SNX24: variants seen among roughly 807,000 people sequenced by gnomAD.
SNX24 encodes sorting nexin-24.
Under a neutral mutation model 28.7 loss-of-function variants are expected in SNX24, and 22 were observed. That is an observed-to-expected ratio of 0.77 (90% confidence interval 0.55 to 1.10). The LOEUF (loss-of-function observed/expected upper bound fraction) is 1.10, where lower values mean the gene tolerates loss of function less well. SNX24 is among the 50% of genes least tolerant of loss of function. The pLI is 0.00. For synonymous variants in SNX24, 69 were observed against 71.5 expected, an observed-to-expected ratio of 0.96 and a Z score of 0.18; for missense variants, 221 against 201.1, an observed-to-expected ratio of 1.10 and a Z score of -0.60.
intron 1 of SNX24, among the ~76,000 whole-genome samples, chr5:122,859,694 G>A (rs943661248): frequency 2.0e-5 from 3 of 152,136 alleles, no homozygotes; most frequent in African/African-American, 7.2e-5. Context: ...AGTGACCATG[G>A]CCCGTGACAC....
At chr5:122,938,724 A>AT (rs1759295485) in intron 2 of SNX24, among the ~76,000 whole-genome samples, 1 of 10,620 alleles carries the variant, frequency 9.4e-5, no homozygotes, top group African/African-American at 1.6e-3. Flanking sequence ...GCGGATCACG[A>AT]GGTCAGGAGA....
At chr5:122,900,502 C>T (rs1258804626) in intron 1 of SNX24, among the ~76,000 whole-genome samples, 1 of 152,134 alleles carries the variant, frequency 6.6e-6, no homozygotes, top group African/African-American at 2.4e-5. Flanking sequence ...TGGAATGGCT[C>T]ACACCTGTCA....
intron 1 of SNX24, among the ~76,000 whole-genome samples, chr5:122,884,396 G>A (rs1440601400): frequency 1.3e-5 from 2 of 151,304 alleles, no homozygotes; most frequent in African/African-American, 2.4e-5. Flanking sequence ...GGTGGAATGC[G>A]CCACCACCTC....
rs1303150371 is a variant in SNX24, at chr5:122,941,619, A to G, written c.145-4436A>G. On this transcript the variant is annotated intron_variant, in intron 2 of 6. Transcript: ENST00000261369. ...GATAAAACTGTTATCCCTAAATTTTATCTAATTAGAAGGTACTTTTTTAAA... is the reference window on the plus strand; with the variant it reads ...GATAAAACTGTTATCCCTAAATTTTGTCTAATTAGAAGGTACTTTTTTAAA... Among the ~76,000 whole-genome samples the G allele has an allele frequency of 3.3e-5, 5 of 152,324 alleles. No homozygotes were observed. In the South Asian group the frequency reaches 1.0e-3, roughly 32 times the overall value.
Position 122,873,754 on chromosome 5 carries a change from G to T in SNX24, c.60+28061G>T, listed in dbSNP as rs535457688. ...CCAGCACTCTCTTTCATCTTTCAAA[G>T]GGAATCTTTTTTTTTTTTTTTTTTT... On this transcript the variant is annotated intron_variant, in intron 1 of 6. Coordinates refer to ENST00000261369, the MANE Select transcript of SNX24 (RefSeq NM_014035.4). Among the ~76,000 whole-genome samples, 316 of 151,432 alleles carry T rather than the reference G, an allele frequency of 2.1e-3. 1 individual carries two copies. The highest frequency in any genetic ancestry group is 7.5e-3 in the African/African-American group (308 of 41,290).
intron 1 of SNX24, among the ~76,000 whole-genome samples, chr5:122,847,016 T>C (rs1754669711): frequency 6.6e-6 from 1 of 151,976 alleles, no homozygotes; most frequent in Non-Finnish European, 1.5e-5. Context: ...ACCTTGCTTG[T>C]TGTTGCTTCT....
chr5:123,013,360 C>G (rs1469075624), downstream of SNX24, among the ~76,000 whole-genome samples: 1 of 152,196 alleles, frequency 6.6e-6, no homozygotes. Context: ...CTGTCTTCTT[C>G]CAGTCTCTCT....
At chr5:122,864,125 G>A (rs1755610953) in intron 1 of SNX24, among the ~76,000 whole-genome samples, 1 of 150,348 alleles carries the variant, frequency 6.7e-6, no homozygotes. Context: ...ATTTTAGTGT[G>A]GAGAATAAAC....
intron 1 of SNX24, among the ~76,000 whole-genome samples, chr5:122,877,957 G>A (rs1190632440): frequency 1.3e-5 from 2 of 152,074 alleles, no homozygotes; most frequent in Non-Finnish European, 2.9e-5. Context: ...TGTCCACTCT[G>A]TTCAGATGAT....
chr5:122,911,502 T>G (rs1451455883), intron 1 of SNX24, among the ~76,000 whole-genome samples: 5 of 151,382 alleles, frequency 3.3e-5, no homozygotes, highest in Non-Finnish European at 7.4e-5. Context: ...TTTTGGCTTT[T>G]GTTGCCATTG....
chr5:122,908,838 G>A (rs755348950), intron 1 of SNX24, among the ~76,000 whole-genome samples: 169 of 152,310 alleles, frequency 1.1e-3, no homozygotes, highest in Non-Finnish European at 2.1e-3. Flanking sequence ...AAAGCAAGAG[G>A]TGGAACGGAA....
chr5:122,973,887 C>T (rs1761057861), intron 3 of SNX24, among the ~76,000 whole-genome samples: 2 of 152,182 alleles, frequency 1.3e-5, no homozygotes, highest in African/African-American at 4.8e-5. Flanking sequence ...CCTATGAGGG[C>T]CTGCCAAAGT....
chr5:123,019,478 G>T (rs569818542), intron 5 of SNX24, among the ~76,000 whole-genome samples: 19 of 152,204 alleles, frequency 1.2e-4, no homozygotes, highest in Non-Finnish European at 2.4e-4. Flanking sequence ...TGAGGTTGGT[G>T]AGTCCTGTTC....
rs375949797 is a variant in SNX24 at position 122,893,680 on chromosome 5, G to C, written c.61-43054G>C. ...AATAAACTCACTAAATAGAATTTAA[G>C]ATTTTTATGCAGCACATTTTGTCTT... On this transcript the variant is annotated intron_variant, in intron 1 of 6. Coordinates refer to ENST00000261369, the MANE Select transcript of SNX24 (RefSeq NM_014035.4). Among the ~76,000 whole-genome samples the C allele has an allele frequency of 4.6e-5, 7 of 152,226 alleles. No individual in the cohort carries two copies. In the East Asian group the frequency reaches 1.2e-3, roughly 25 times the overall value.
intron 3 of SNX24, among the ~76,000 whole-genome samples, chr5:122,978,429 A>G (rs1399510769): frequency 2.0e-5 from 3 of 152,170 alleles, no homozygotes; most frequent in Non-Finnish European, 4.4e-5. Flanking sequence ...ATTTTTTTCT[A>G]TCAAACTTCT....
chr5:122,940,042 T>C (rs1759372401), intron 2 of SNX24, among the ~76,000 whole-genome samples: 1 of 151,858 alleles, frequency 6.6e-6, no homozygotes, highest in South Asian at 2.1e-4. Flanking sequence ...CAGGCTGGAA[T>C]GAAGTGGCTC....
intron 1 of SNX24, among the ~76,000 whole-genome samples, chr5:122,850,903 A>C (rs1754888918): frequency 6.6e-6 from 1 of 151,898 alleles, no homozygotes; most frequent in Non-Finnish European, 1.5e-5. Flanking sequence ...CCAGAGGGAG[A>C]AAGAAACCAA....
At chr5:123,024,416 C>T (rs1251580751) in intron 5 of SNX24, among the ~76,000 whole-genome samples, 1 of 152,190 alleles carries the variant, frequency 6.6e-6, no homozygotes, top group Non-Finnish European at 1.5e-5. Flanking sequence ...AATAGGTCTT[C>T]ACATGTATGG....
intron 1 of SNX24, among the ~76,000 whole-genome samples, chr5:122,882,769 T>A (rs1408843113): frequency 1.3e-5 from 2 of 152,182 alleles, no homozygotes; most frequent in Admixed American, 1.3e-4. Flanking sequence ...AATCTCTCAA[T>A]CTCTGTCTGT....
Sources: gnomAD v4.1 joint callset for allele counts (sites outside exome capture counted in the v4.1 genomes callset) on GRCh38, gnomAD v4.1.1 for gene constraint, MANE v1.5 for transcripts, NCBI Gene and HGNC (gene_info 2026-07-23, HGNC 2026-07-21) for gene names.